The following XCR1 variants were observed in gnomAD, a reference collection of about 807,000 sequenced individuals.
The protein encoded by XCR1 is chemokine XC receptor 1.
For synonymous variants in XCR1, 187 were observed against 188.5 expected (o/e 0.99, Z 0.06); for missense variants, 356 against 424.2 (o/e 0.84, Z 1.41).
chr3:46,019,438 C>T lies in XCR1; in HGVS notation c.*1508G>A, dbSNP rs1045124385. The stretch of plus-strand genomic sequence containing the variant: ...AGACATTGCATGTGTGTAACTACAA[C>T]ACAAGGTTGTTTTATTTTAGAGGGG... On this transcript the variant is annotated 3_prime_UTR_variant, in exon 2 of 2. Coordinates refer to ENST00000309285, the MANE Select transcript of XCR1 (RefSeq NM_001024644.2). The T allele has an allele frequency of 3.9e-5, 6 of 152,270 alleles. No homozygotes were observed. The highest frequency in any genetic ancestry group is 3.4e-3 in the Middle Eastern group (1 of 294). 9.4% of individuals were successfully genotyped at this position (152,270 alleles called of 1,614,324 possible).
At chr3:46,058,574 G>T (rs1697897646) in intron 4 of XCR1, among the ~76,000 whole-genome samples, 1 of 152,102 alleles carries the variant, frequency 6.6e-6, no homozygotes. Context: ...TTTAGACAAG[G>T]TCTTACTCTG....
chr3:46,059,456 A>G (rs1697920542), intron 4 of XCR1, among the ~76,000 whole-genome samples: 1 of 152,120 alleles, frequency 6.6e-6, no homozygotes, highest in African/African-American at 2.4e-5. Flanking sequence ...ACTCTCAATC[A>G]CATTATTTAT....
At chr3:46,069,466 C>A (rs1324190949) in intron 3 of XCR1, among the ~76,000 whole-genome samples, 2 of 152,112 alleles carry the variant, frequency 1.3e-5, no homozygotes. Context: ...GACAGCTAAC[C>A]CTTGTACGGG....
chr3:46,041,637 C>T (rs550905595), intron 5 of XCR1, among the ~76,000 whole-genome samples: 6 of 152,246 alleles, frequency 3.9e-5, no homozygotes, highest in South Asian at 2.1e-4. Context: ...ACCCAGTGAT[C>T]GCATAGACAG....
intron 3 of XCR1, among the ~76,000 whole-genome samples, chr3:46,071,864 G>A (rs967951402): frequency 6.6e-6 from 1 of 152,038 alleles, no homozygotes; most frequent in Non-Finnish European, 1.5e-5. Context: ...ATACTGAACG[G>A]TGGAAAGTTG....
At chr3:46,039,864 C>G (rs1475626929) in intron 5 of XCR1, among the ~76,000 whole-genome samples, 1 of 152,136 alleles carries the variant, frequency 6.6e-6, no homozygotes, top group African/African-American at 2.4e-5. Context: ...AGGCCAGTGT[C>G]TGGGCCAGTG....
exon 2 of XCR1, among the ~76,000 whole-genome samples, chr3:46,076,825 T>C (rs1698269421): frequency 6.6e-6 from 1 of 152,148 alleles, no homozygotes; most frequent in Non-Finnish European, 1.5e-5. Flanking sequence ...TGAAGTAATA[T>C]TGTCACTTCT....
At position 46,050,189 on chromosome 3, in the gene XCR1, A is replaced by G. The variant is rs918117842; in HGVS notation, c.-32+3731T>C. On this transcript the variant is annotated intron_variant, in intron 5 of 5. Coordinates refer to the XCR1 transcript ENST00000683768. ...CGGTGAGGCATGTCTCTGCTGTGAC[A>G]TTTGCTCTACAAGCCGTAATTCGGC... Among the ~76,000 whole-genome samples, 3 of 152,104 alleles carry G rather than the reference A, an allele frequency of 2.0e-5. No individual in the cohort carries two copies. The East Asian group carries it at 5.8e-4, about 29-fold the overall frequency.
At chr3:46,035,336 T>G (rs979388593) in intron 5 of XCR1, among the ~76,000 whole-genome samples, 2 of 152,242 alleles carry the variant, frequency 1.3e-5, no homozygotes, top group African/African-American at 4.8e-5. Flanking sequence ...GGAGATGGAT[T>G]TGAGACTAAG....
Position 46,021,442 on chromosome 3 carries a change from T to C in XCR1, c.506A>G (p.Lys169Arg). 1.9e-6 allele frequency: 3 copies of C among 1,614,020 alleles called. No individual in the cohort carries two copies. The highest frequency in any genetic ancestry group is 2.5e-6 in the Non-Finnish European group (3 of 1,180,004). The change falls in exon 2 of 2, where the codon AAG becomes AGG. Residue 169 changes from lysine to arginine, a missense_variant. By Grantham distance (26) the Lys-to-Arg change is conservative. Coordinates refer to ENST00000309285, the MANE Select transcript of XCR1 (RefSeq NM_001024644.2). This position sits in a 1 kb window ranked among gnomAD's most constrained non-coding sequence, Gnocchi z 4.7. ...ATAATCACAGCCCGAAGAAAGCACC[T>C]TGTGGAAGATGGTGTCGAGGATGGA... ...LSSILDTIFH[K>R]VLSSGCDYSE... is the part of the protein sequence containing the mutation.
At chr3:46,061,118 T>G (rs750755952) in intron 4 of XCR1, among the ~76,000 whole-genome samples, 9 of 152,126 alleles carry the variant, frequency 5.9e-5, no homozygotes, top group Non-Finnish European at 1.0e-4. Flanking sequence ...TCCTTTTTGG[T>G]GGGGGGAATG....
intron 1 of XCR1, chr3:46,023,656 C>A: frequency 7.2e-7 from 1 of 1,380,546 alleles, no homozygotes; most frequent in Non-Finnish European, 1.0e-6. Flanking sequence ...GAAGTACAGC[C>A]CTTCTTCAGA....
At chr3:46,030,474 G>T (rs1295307300), upstream of XCR1, among the ~76,000 whole-genome samples, 2 of 151,988 alleles carry the variant, frequency 1.3e-5, no homozygotes, top group Non-Finnish European at 2.9e-5. Flanking sequence ...AGGACATCTT[G>T]GTTAATCCTA....
rs1264068186 is a variant in XCR1, at chr3:46,047,552, A to T, written c.-32+6368T>A. ...TATTCTTTACAAATGTAACATTAAG[A>T]CTGTGTGGCTTACTATTGCTATTAT... On this transcript the variant is annotated intron_variant, in intron 5 of 5. Coordinates refer to the XCR1 transcript ENST00000683768. 2.6e-5 allele frequency among the ~76,000 whole-genome samples: 4 copies of T among 152,206 alleles called. No individual in the cohort carries two copies. In the East Asian group the frequency reaches 7.7e-4, roughly 29 times the overall value.
Position 46,077,221 on chromosome 3 carries a change from G to A in XCR1, c.-514-295C>T, listed in dbSNP as rs566227543. On this transcript the variant is annotated intron_variant, in intron 1 of 5. Transcript: ENST00000683768. Reference sequence around the variant, plus strand: ...CACAGCAGGAGGTAAGCAGTGGGCAGGCAAGTGAGCAAAACTTTATCTGCT... The same window carrying A: ...CACAGCAGGAGGTAAGCAGTGGGCAAGCAAGTGAGCAAAACTTTATCTGCT... Among the ~76,000 whole-genome samples the A allele has an allele frequency of 5.0e-4, 76 of 152,286 alleles. 1 individual carries two copies. The highest frequency in any genetic ancestry group is 3.4e-3 in the Middle Eastern group (1 of 294).
At chr3:46,048,797 T>C (rs1455278453) in intron 5 of XCR1, among the ~76,000 whole-genome samples, 1 of 152,170 alleles carries the variant, frequency 6.6e-6, no homozygotes, top group Non-Finnish European at 1.5e-5. Flanking sequence ...AGTCAAAAAA[T>C]TTAAAGTAAA....
At chr3:46,062,520 T>A (rs915790799) in intron 4 of XCR1, among the ~76,000 whole-genome samples, 41 of 152,356 alleles carry the variant, frequency 2.7e-4, no homozygotes, top group African/African-American at 9.4e-4. Flanking sequence ...CTGGATCCTT[T>A]TTCCTTCCCC....
chr3:46,021,036 C>G lies in XCR1; in HGVS notation c.912G>C (p.Gln304His). The change falls in exon 2 of 2, where the codon CAG becomes CAC. Residue 304 changes from glutamine to histidine, a missense_variant. Physicochemically the swap from Gln to His is conservative, Grantham distance 24. Transcript: ENST00000309285. This position sits in a 1 kb window ranked among gnomAD's most constrained non-coding sequence, Gnocchi z 4.7. ...FRTHLKHVLR[Q>H]FWFCRLQAPS... ...GTGCCTGCAGCCGGCAGAACCAGAACTGCCGGAGAACATGTTTCAGGTGTG... is the reference window on the plus strand; with the variant it reads ...GTGCCTGCAGCCGGCAGAACCAGAAGTGCCGGAGAACATGTTTCAGGTGTG... The G allele has an allele frequency of 6.2e-7, 1 of 1,614,038 alleles. No individual in the cohort carries two copies. The highest frequency in any genetic ancestry group is 1.3e-5 in the African/African-American group (1 of 75,074).
intron 5 of XCR1, among the ~76,000 whole-genome samples, chr3:46,051,474 A>T (rs886253128): frequency 6.6e-6 from 1 of 152,162 alleles, no homozygotes; most frequent in African/African-American, 2.4e-5. Context: ...ATGGGGGCCA[A>T]TTGTCTTTAG....
Sources: allele counts gnomAD v4.1 joint callset (sites outside exome capture counted in the v4.1 genomes callset), GRCh38; gene constraint gnomAD v4.1.1; non-coding constraint Gnocchi (gnomAD v3.1); transcripts MANE v1.5; gene names NCBI Gene and HGNC (gene_info 2026-07-23, HGNC 2026-07-21).